PARD6G: variants seen among roughly 807,000 people sequenced by gnomAD.
PARD6G encodes the protein partitioning defective 6 homolog gamma.
In PARD6G, 7 loss-of-function variants were observed where a neutral mutation model predicts 10.7. The ratio of observed to expected loss-of-function variants is 0.66; its 90% CI spans 0.37 to 1.23. PARD6G has a LOEUF of 1.23. Ranked by LOEUF, PARD6G falls within the 50% of genes most tolerant of loss-of-function variation. The pLI, the probability that PARD6G is intolerant of heterozygous loss-of-function variation, is 0.02. For missense variants in PARD6G, 548 were observed against 571.8 expected, an observed-to-expected ratio of 0.96 and a Z score of 0.42; for synonymous variants, 287 against 269.4, an observed-to-expected ratio of 1.07 and a Z score of -0.64.
chr18:80,221,889 C>A (rs1193338797), intron 1 of PARD6G, among the ~76,000 whole-genome samples: 2 of 152,078 alleles, frequency 1.3e-5, no homozygotes, highest in Non-Finnish European at 2.9e-5. Flanking sequence ...AACTGTATTT[C>A]TAAGCAGTAG....
chr18:80,210,667 T>C (rs567680925), intron 1 of PARD6G, among the ~76,000 whole-genome samples: 1 of 152,232 alleles, frequency 6.6e-6, no homozygotes, highest in African/African-American at 2.4e-5. Flanking sequence ...TTTTTTTCCA[T>C]GGGCCAAGTT....
At chr18:80,187,404 G>T (rs2052885724) in intron 2 of PARD6G, among the ~76,000 whole-genome samples, 2 of 152,234 alleles carry the variant, frequency 1.3e-5, no homozygotes, top group Admixed American at 6.5e-5. Flanking sequence ...AGGCGTGTGT[G>T]TGAGAAGGAT....
chr18:80,211,619 A>G (rs1452907668), intron 1 of PARD6G, among the ~76,000 whole-genome samples: 2 of 152,254 alleles, frequency 1.3e-5, no homozygotes, highest in Non-Finnish European at 2.9e-5. Context: ...ATCCATGTCC[A>G]TAGCAGCATC....
intron 2 of PARD6G, among the ~76,000 whole-genome samples, chr18:80,166,335 C>G (rs1001249251): frequency 6.6e-6 from 1 of 151,280 alleles, no homozygotes; most frequent in African/African-American, 2.4e-5. Context: ...TGCAGGGCTG[C>G]AAGTGTCTCT....
Position 80,171,554 on chromosome 18 carries a change from G to A in PARD6G, c.296-10948C>T, listed in dbSNP as rs372836876. On this transcript the variant is annotated intron_variant, in intron 2 of 2. Coordinates refer to ENST00000353265, the MANE Select transcript of PARD6G (RefSeq NM_032510.4). ...AAGTGTACAACTCAGTAGCTTTAGCGTGTTCACAATAGAGTGGAACCATTA... is the reference window on the plus strand; with the variant it reads ...AAGTGTACAACTCAGTAGCTTTAGCATGTTCACAATAGAGTGGAACCATTA... 3.9e-5 allele frequency: 6 copies of A among 152,302 alleles called. 1 individual carries two copies. The highest frequency in any genetic ancestry group is 2.1e-4 in the South Asian group (1 of 4,810). 9.4% of individuals were successfully genotyped at this position (152,302 alleles called of 1,614,324 possible). A position where few individuals can be genotyped will look rare whatever the true frequency, so the allele number is the denominator to read the frequency against.
At chr18:80,243,806 T>G (rs1431349733) in intron 1 of PARD6G, among the ~76,000 whole-genome samples, 1 of 151,910 alleles carries the variant, frequency 6.6e-6, no homozygotes, top group Non-Finnish European at 1.5e-5. Flanking sequence ...AGAAAGCATT[T>G]CAGGTAGGGG....
intron 2 of PARD6G, chr18:80,177,972 T>TACACACACACACACACACACAC (rs3028716): frequency 6.6e-6 from 1 of 151,938 alleles, no homozygotes; most frequent in Non-Finnish European, 1.5e-5. Context: ...AGCGTGTGCA[T>TACACACACACACACACACACAC]ACACACACAC....
chr18:80,187,075 G>C (rs556584622), intron 2 of PARD6G, among the ~76,000 whole-genome samples: 4 of 151,634 alleles, frequency 2.6e-5, no homozygotes, highest in Non-Finnish European at 5.9e-5. Flanking sequence ...CCAGCCTGGG[G>C]GACAGAGTAA....
At chr18:80,223,352 T>C (rs1438941417) in intron 1 of PARD6G, among the ~76,000 whole-genome samples, 3 of 152,248 alleles carry the variant, frequency 2.0e-5, no homozygotes, top group South Asian at 4.1e-4. Context: ...ACAGAAAATA[T>C]TTGCAAATCA....
At chr18:80,207,993 T>C (rs922193721) in intron 1 of PARD6G, among the ~76,000 whole-genome samples, 1 of 152,222 alleles carries the variant, frequency 6.6e-6, no homozygotes, top group African/African-American at 2.4e-5. Flanking sequence ...AATAAGAGTC[T>C]GTTTATCCTA....
At chr18:80,173,574 G>A (rs1269427503) in intron 2 of PARD6G, among the ~76,000 whole-genome samples, 3 of 151,860 alleles carry the variant, frequency 2.0e-5, no homozygotes, top group Non-Finnish European at 2.9e-5. Flanking sequence ...GCAGTGAGCC[G>A]AGATTGTGCC....
chr18:80,172,844 C>T (rs142492153), intron 2 of PARD6G, among the ~76,000 whole-genome samples: 262 of 152,248 alleles, frequency 1.7e-3, no homozygotes, highest in African/African-American at 5.9e-3. Flanking sequence ...TGATGAAGTC[C>T]AATTTATCTA....
Position 80,175,450 on chromosome 18 carries a change from C to T in PARD6G, c.296-14844G>A, listed in dbSNP as rs1254206614. On this transcript the variant is annotated intron_variant, in intron 2 of 2. Coordinates refer to ENST00000353265, the MANE Select transcript of PARD6G (RefSeq NM_032510.4). This position sits in a 1 kb window ranked among gnomAD's most constrained non-coding sequence, Gnocchi z 6.7. ...GCAGGGAGACCGAGATCTCTGGTGC[C>T]TCCTCCTCTGCTTACGACACAGTCT... Among the ~76,000 whole-genome samples the T allele has an allele frequency of 6.6e-6, 1 of 152,192 alleles. No individual in the cohort carries two copies. Among genetic ancestry groups the T allele is most frequent in the Non-Finnish European group, 1.5e-5 (1 of 68,030 alleles).
intron 2 of PARD6G, among the ~76,000 whole-genome samples, chr18:80,176,525 C>G (rs1172047877): frequency 6.6e-6 from 1 of 152,178 alleles, no homozygotes; most frequent in Admixed American, 6.5e-5. Context: ...AGTCTCAGCT[C>G]CCACTCAGGT....
chr18:80,190,034 C>G (rs1290517389), intron 2 of PARD6G, among the ~76,000 whole-genome samples: 5 of 152,162 alleles, frequency 3.3e-5, no homozygotes, highest in South Asian at 2.1e-4. Context: ...TAGTCACTCC[C>G]CATCCCAAGG....
chr18:80,208,122 A>G (rs1225002756), intron 1 of PARD6G, among the ~76,000 whole-genome samples: 4 of 151,990 alleles, frequency 2.6e-5, no homozygotes, highest in African/African-American at 9.7e-5. Context: ...ATTTCACTGT[A>G]TCAAATCACT....
Position 80,175,647 on chromosome 18 carries a change from G to C in PARD6G, c.296-15041C>G, listed in dbSNP as rs2052804122. 6.6e-6 allele frequency among the ~76,000 whole-genome samples: 1 copy of C among 152,230 alleles called. No individual in the cohort carries two copies. Among genetic ancestry groups the C allele is most frequent in the African/African-American group, 2.4e-5 (1 of 41,454 alleles). On this transcript the variant is annotated intron_variant, in intron 2 of 2. Transcript: ENST00000353265. The surrounding 1 kb of genome is among the most constrained non-coding windows in gnomAD (Gnocchi z 6.7). Reference sequence around the variant, plus strand: ...TTCCGTAATTGTTCTCTTGCTGAGTGTATCTGAGTCACGTTCTCTGTCAGG... The same window carrying C: ...TTCCGTAATTGTTCTCTTGCTGAGTCTATCTGAGTCACGTTCTCTGTCAGG...
At chr18:80,217,642 A>G (rs1445011854) in intron 1 of PARD6G, among the ~76,000 whole-genome samples, 1 of 152,206 alleles carries the variant, frequency 6.6e-6, no homozygotes. Context: ...ATTGAGGGAC[A>G]TTCTACAAAA....
intron 1 of PARD6G, among the ~76,000 whole-genome samples, chr18:80,224,778 C>G (rs1308433201): frequency 6.6e-6 from 1 of 151,898 alleles, no homozygotes; most frequent in East Asian, 1.9e-4. Flanking sequence ...ACCTGGGAGG[C>G]GGAGGTTGCA....
Sources: gnomAD v4.1 joint callset for allele counts (sites outside exome capture counted in the v4.1 genomes callset) on GRCh38, gnomAD v4.1.1 for gene constraint, Gnocchi (gnomAD v3.1) non-coding constraint, MANE v1.5 for transcripts, NCBI Gene and HGNC (gene_info 2026-07-23, HGNC 2026-07-21) for gene names.